TRMT11: variants seen among roughly 807,000 people sequenced by gnomAD.
The protein encoded by TRMT11 is tRNA (guanine(10)-N(2))-methyltransferase TRMT11.
In TRMT11, 53 loss-of-function variants were observed where a neutral mutation model predicts 62.8. That is an observed-to-expected ratio of 0.84 (90% CI 0.68 to 1.06). The LOEUF (loss-of-function observed/expected upper bound fraction) is 1.06. TRMT11 is among the 50% of genes least tolerant of loss of function. The pLI is 0.00. For missense variants in TRMT11, 556 were observed against 553.4 expected (o/e 1.00, Z -0.05); for synonymous variants, 188 against 190.3 (o/e 0.99, Z 0.10).
chr6:126,051,818 G>T (rs528591636), intron 16 of TRMT11, among the ~76,000 whole-genome samples: 1 of 152,258 alleles, frequency 6.6e-6, no homozygotes, highest in East Asian at 1.9e-4. Flanking sequence ...CAAGCATGAA[G>T]AACTGCATAG....
At chr6:126,007,524 A>G (rs1447279545) in intron 7 of TRMT11, among the ~76,000 whole-genome samples, 2 of 152,032 alleles carry the variant, frequency 1.3e-5, no homozygotes, top group Non-Finnish European at 2.9e-5. Flanking sequence ...TTTTAATTTG[A>G]ATGATTAAAA....
At chr6:126,009,559 G>C (rs1209298663) in intron 8 of TRMT11, 1 of 151,864 alleles carries the variant, frequency 6.6e-6, no homozygotes, top group Non-Finnish European at 1.5e-5. Flanking sequence ...ATAAGTTATT[G>C]TATTGGTGAG....
intron 12 of TRMT11, among the ~76,000 whole-genome samples, chr6:126,030,621 G>A (rs1008044566): frequency 1.2e-4 from 19 of 152,126 alleles, no homozygotes; most frequent in African/African-American, 3.9e-4. Flanking sequence ...GTATTCAAGC[G>A]TTTGCAATGA....
intron 17 of TRMT11, among the ~76,000 whole-genome samples, chr6:126,055,929 G>A (rs986402066): frequency 1.3e-5 from 2 of 151,868 alleles, no homozygotes; most frequent in Non-Finnish European, 2.9e-5. Flanking sequence ...TCTCCTTCTC[G>A]TGGGTCTCTG....
At chr6:126,153,991 G>A (rs575224565) in intron 21 of TRMT11, among the ~76,000 whole-genome samples, 9 of 152,206 alleles carry the variant, frequency 5.9e-5, no homozygotes, top group East Asian at 1.9e-4. Context: ...CCCCATGTGC[G>A]GTCTTACGTG....
rs551313718 is a variant in TRMT11 at position 126,119,322 on chromosome 6, T to C, written c.*1823+3467T>C. On this transcript the variant is annotated intron_variant and NMD_transcript_variant, in intron 21 of 22. Coordinates refer to the TRMT11 transcript ENST00000648977. ...ATCCTGAACCTTCTGTTCCCATTAC[T>C]TTCCCTGTTGAGCTCTACATTTCAT... Among the ~76,000 whole-genome samples the C allele has an allele frequency of 2.0e-5, 3 of 152,182 alleles. No homozygotes were observed. In the South Asian group the frequency reaches 6.2e-4, roughly 32 times the overall value.
intron 17 of TRMT11, among the ~76,000 whole-genome samples, chr6:126,100,731 G>A (rs1367238261): frequency 6.6e-6 from 1 of 152,160 alleles, no homozygotes; most frequent in Non-Finnish European, 1.5e-5. Flanking sequence ...CGGGGGAATG[G>A]TTTTGGGATG....
Position 125,998,638 on chromosome 6 carries a change from C to T in TRMT11, c.476C>T (p.Pro159Leu). ...FSVLEDYGLD[P>L]NCIPENPHNI... Reference sequence around the variant, plus strand: ...GTTTTGGAGGATTATGGTTTAGACCCAAACTGCATCCCTGAGAATCCACAT... The same window carrying T: ...GTTTTGGAGGATTATGGTTTAGACCTAAACTGCATCCCTGAGAATCCACAT... Residue 159 changes from proline to leucine, a missense_variant, in exon 6 of 13, where the codon CCA becomes CTA. By Grantham distance (98) the Pro-to-Leu change is moderately conservative (BLOSUM62 -3). Coordinates refer to ENST00000334379, the MANE Select transcript of TRMT11 (RefSeq NM_001031712.3). 1 of 1,613,356 alleles carries T rather than the reference C, an allele frequency of 6.2e-7. No homozygotes were observed. Among genetic ancestry groups the T allele is most frequent in the Non-Finnish European group, 8.5e-7 (1 of 1,179,596 alleles).
chr6:126,130,698 G>C (rs768465115), intron 21 of TRMT11, among the ~76,000 whole-genome samples: 2 of 152,018 alleles, frequency 1.3e-5, no homozygotes, highest in Non-Finnish European at 2.9e-5. Context: ...ATGAGATGGT[G>C]GTTCTCAACA....
At chr6:126,019,229 G>A (rs1795449388) in intron 11 of TRMT11, among the ~76,000 whole-genome samples, 2 of 152,004 alleles carry the variant, frequency 1.3e-5, no homozygotes, top group African/African-American at 4.8e-5. Context: ...TGGTGCTTTG[G>A]GAGTGTATTG....
intron 11 of TRMT11, 101 bp downstream of exon 11, chr6:126,013,202 A>G (rs1794499550): frequency 9.3e-7 from 1 of 1,078,798 alleles, no homozygotes; most frequent in Non-Finnish European, 1.3e-6. Flanking sequence ...GTGCATCTTT[A>G]TATTTAATTT....
chr6:126,129,084 T>C (rs1214977746), intron 21 of TRMT11, among the ~76,000 whole-genome samples: 1 of 152,082 alleles, frequency 6.6e-6, no homozygotes, highest in Non-Finnish European at 1.5e-5. Context: ...GCCTTTCTGG[T>C]CTTAGCTTTC....
chr6:126,078,427 A>AT (rs1158230378), intron 17 of TRMT11, among the ~76,000 whole-genome samples: 16 of 148,852 alleles, frequency 1.1e-4, no homozygotes, highest in Non-Finnish European at 2.2e-4. Context: ...GGACTCAGGC[A>AT]TTTTTTTTCT....
At chr6:126,062,524 T>C (rs1344918731) in intron 17 of TRMT11, among the ~76,000 whole-genome samples, 1 of 152,242 alleles carries the variant, frequency 6.6e-6, no homozygotes, top group African/African-American at 2.4e-5. Context: ...GGTTTTATTT[T>C]AGCTTTTAAA....
In TRMT11 at chr6:125,998,333, A is replaced by C. The variant is rs1791940687; in HGVS notation, c.387+18A>C. On this transcript the variant is annotated intron_variant, in intron 5 of 12. Transcript: ENST00000334379. Reference sequence around the variant, plus strand: ...GAATAGATGTAAGTAAATTTAGCAAAACAAAAAACCTACATGATGAATGCA... The same window carrying C: ...GAATAGATGTAAGTAAATTTAGCAACACAAAAAACCTACATGATGAATGCA... 1 of 1,523,280 alleles carries C rather than the reference A, an allele frequency of 6.6e-7. No homozygotes were observed. Among genetic ancestry groups the C allele is most frequent in the Non-Finnish European group, 9.0e-7 (1 of 1,106,054 alleles). 94.4% of individuals were successfully genotyped at this position (1,523,280 alleles called of 1,614,324 possible).
chr6:126,081,266 C>T (rs1407157592), intron 17 of TRMT11, among the ~76,000 whole-genome samples: 1 of 152,154 alleles, frequency 6.6e-6, no homozygotes, highest in Non-Finnish European at 1.5e-5. Flanking sequence ...TTCTTCCATA[C>T]CAATATGCAA....
chr6:126,115,998 A>AT (rs1236704582), intron 21 of TRMT11, among the ~76,000 whole-genome samples: 1 of 148,102 alleles, frequency 6.8e-6, no homozygotes, highest in Non-Finnish European at 1.5e-5. Flanking sequence ...GTGCTTATTA[A>AT]TGCTGTTACC....
At chr6:126,050,329 CA>C (rs536546298) in intron 16 of TRMT11, among the ~76,000 whole-genome samples, 3,979 of 68,438 alleles carry the variant, frequency 0.058, 67 homozygotes, top group South Asian at 0.11. Flanking sequence ...GACTTCATCT[CA>C]AAAAAAAAAA....
chr6:126,256,218 T>C, the TRMT11 span, among the ~76,000 whole-genome samples: 51 of 152,240 alleles, frequency 3.3e-4, no homozygotes, highest in Non-Finnish European at 6.0e-4. Context: ...AGCAATCCAA[T>C]AGGTCAGAGT....
Sources: gnomAD v4.1 joint callset for allele counts (sites outside exome capture counted in the v4.1 genomes callset) on GRCh38, gnomAD v4.1.1 for gene constraint, MANE v1.5 for transcripts, NCBI Gene and HGNC (gene_info 2026-07-23, HGNC 2026-07-21) for gene names.